The following LRRC8D variants were observed in gnomAD, a reference collection of about 807,000 sequenced individuals.
LRRC8D encodes leucine rich repeat containing 8 VRAC subunit D.
Under a neutral mutation model 55.8 loss-of-function variants are expected in LRRC8D, and 20 were observed. The observed-to-expected ratio is 0.36, with a 90% CI of 0.25 to 0.52. The LOEUF is 0.52. LRRC8D is among the 20% of genes least tolerant of loss of function. LRRC8D has a pLI of 0.93. For missense variants in LRRC8D, 651 were observed against 1,030.8 expected, an observed-to-expected ratio of 0.63 and a Z score of 5.05; for synonymous variants, 352 against 377.0, an observed-to-expected ratio of 0.93 and a Z score of 0.77.
chr1:89,910,866 T>A (rs1480556169), intron 2 of LRRC8D, among the ~76,000 whole-genome samples: 1 of 152,190 alleles, frequency 6.6e-6, no homozygotes, highest in African/African-American at 2.4e-5. Context: ...CAGTGTTGAA[T>A]GGCAAGATAC....
intron 2 of LRRC8D, among the ~76,000 whole-genome samples, chr1:89,861,034 T>A (rs4281312): frequency 0.098 from 14,861 of 151,908 alleles, 975 homozygotes; most frequent in South Asian, 0.16. Context: ...AGAGCTGGGC[T>A]GAATTGCTGG....
At chr1:89,825,555 G>A (rs991810149) in intron 1 of LRRC8D, among the ~76,000 whole-genome samples, 2 of 152,154 alleles carry the variant, frequency 1.3e-5, no homozygotes, top group Admixed American at 6.5e-5. Context: ...TTCCCACTCA[G>A]GCTAAGCTTT....
chr1:89,905,947 G>A (rs1662978647), intron 2 of LRRC8D, among the ~76,000 whole-genome samples: 1 of 152,226 alleles, frequency 6.6e-6, no homozygotes, highest in Non-Finnish European at 1.5e-5. Flanking sequence ...TTCAAAGGTA[G>A]CTGAGACCTG....
chr1:89,923,689 A>C (rs769300082), intron 2 of LRRC8D, among the ~76,000 whole-genome samples: 10 of 152,228 alleles, frequency 6.6e-5, no homozygotes, highest in African/African-American at 9.6e-5. Flanking sequence ...ACTATACTAC[A>C]AGACTACAGT....
rs113936688 is a variant in LRRC8D, at chr1:89,926,015, G to A, written c.-2-7052G>A. Among the ~76,000 whole-genome samples, 913 of 152,300 alleles carry A rather than the reference G, an allele frequency of 6.0e-3. 8 individuals carry two copies. Among genetic ancestry groups the A allele is most frequent in the African/African-American group, 0.021 (878 of 41,546 alleles). On this transcript the variant is annotated intron_variant, in intron 2 of 2. Transcript: ENST00000337338. ...TAAAGTTATTTGTAGTTTCTCTAAC[G>A]CATCATTTATCTCATGCTATGCCTT...
chr1:89,825,012 T>C (rs1307582023), intron 1 of LRRC8D, among the ~76,000 whole-genome samples: 2 of 152,238 alleles, frequency 1.3e-5, no homozygotes, highest in South Asian at 2.1e-4. Context: ...ATCCTGTATT[T>C]CTTGGGCAGA....
At position 89,912,769 on chromosome 1, in the gene LRRC8D, A is replaced by G. The variant is rs148106189; in HGVS notation, c.-2-20298A>G. On this transcript the variant is annotated intron_variant, in intron 2 of 2. Coordinates refer to ENST00000337338, the MANE Select transcript of LRRC8D (RefSeq NM_001134479.2). ...TCATAAATTGTTAGTATAAAATACT[A>G]TTTTATGTTTATACTTCCACTTTAA... Among the ~76,000 whole-genome samples, 5 of 152,324 alleles carry G rather than the reference A, an allele frequency of 3.3e-5. No individual in the cohort carries two copies. The East Asian group carries it at 9.6e-4, about 29-fold the overall frequency.
Position 89,934,043 on chromosome 1 carries a change from T to C in LRRC8D, c.975T>C (p.Tyr325=). The part of the protein sequence containing the change: ...KTAKFIFILC[Y]TANFVNAISF... ...CCAAGTTCATTTTTATTCTCTGCTA[T>C]ACAGCGAACTTTGTCAACGCAATCA... Residue 325 remains tyrosine, a synonymous_variant, in exon 3 of 3, where the codon TAT becomes TAC. Coordinates refer to ENST00000337338, the MANE Select transcript of LRRC8D (RefSeq NM_001134479.2). The surrounding 1 kb of genome is among the most constrained non-coding windows in gnomAD (Gnocchi z 5.9). The C allele has an allele frequency of 1.2e-6, 2 of 1,614,252 alleles. No individual in the cohort carries two copies. The highest frequency in any genetic ancestry group is 1.7e-6 in the Non-Finnish European group (2 of 1,180,050).
intron 2 of LRRC8D, among the ~76,000 whole-genome samples, chr1:89,846,368 A>G: frequency 6.7e-6 from 1 of 150,194 alleles, no homozygotes; most frequent in Non-Finnish European, 1.5e-5. Flanking sequence ...TGCTCCTTTC[A>G]ATGATGTAGT....
chr1:89,887,791 A>G (rs1410528879), intron 2 of LRRC8D, among the ~76,000 whole-genome samples: 2 of 152,178 alleles, frequency 1.3e-5, no homozygotes, highest in Admixed American at 1.3e-4. Context: ...AAAATATGGG[A>G]TAGGAGGAGA....
chr1:89,865,931 G>A (rs547649016), intron 2 of LRRC8D, among the ~76,000 whole-genome samples: 1 of 152,294 alleles, frequency 6.6e-6, no homozygotes, highest in East Asian at 1.9e-4. Context: ...ACTGTTGAAG[G>A]AAGTCAATAG....
At chr1:89,917,007 A>G (rs1663289072) in intron 2 of LRRC8D, among the ~76,000 whole-genome samples, 1 of 152,216 alleles carries the variant, frequency 6.6e-6, no homozygotes, top group African/African-American at 2.4e-5. Context: ...CCTATTGTAC[A>G]GGTAAAAGGT....
At position 89,935,626 on chromosome 1, in the gene LRRC8D, C is replaced by G; in HGVS notation, c.2558C>G (p.Pro853Arg). Residue 853 changes from proline (P) to arginine (R), a missense_variant, in exon 3 of 3, where the codon CCC becomes CGC. Pro to Arg is a moderately radical substitution (Grantham distance 103). Around this residue, in one of 5 missense-constraint regions of LRRC8D, gnomAD observed 338 missense variants for 479.4 expected, o/e 0.71. Transcript: ENST00000337338. ...KEALNQDINI[P>R]FANGI ...GCATTGAATCAAGACATAAATATTC[C>G]CTTTGCAAATGGGATTTAAACTAAG... is the stretch of plus-strand genomic sequence containing the variant. 1 of 1,613,702 alleles carries G rather than the reference C, an allele frequency of 6.2e-7. No individual in the cohort carries two copies. The highest frequency in any genetic ancestry group is 8.5e-7 in the Non-Finnish European group (1 of 1,179,782).
In LRRC8D at chr1:89,935,437, T is replaced by C; in HGVS notation, c.2369T>C (p.Leu790Pro). Residue 790 changes from leucine (L) to proline (P), a missense_variant, in exon 3 of 3, where the codon CTC becomes CCC. This residue lies in a region of LRRC8D where 338 missense variants were observed against 479.4 expected (regional missense o/e 0.71). Transcript: ENST00000337338. Reference protein sequence around the residue: ...LNLGQNCITSLPEKVGQLSQL... With the variant: ...LNLGQNCITSPPEKVGQLSQL... Reference sequence around the variant, plus strand: ...CTGGGACAGAACTGCATCACCTCACTCCCAGAGAAAGTTGGTCAGCTCTCC... The same window carrying C: ...CTGGGACAGAACTGCATCACCTCACCCCCAGAGAAAGTTGGTCAGCTCTCC... The C allele has an allele frequency of 1.2e-6, 2 of 1,614,210 alleles. No homozygotes were observed. Among genetic ancestry groups the C allele is most frequent in the Non-Finnish European group, 1.7e-6 (2 of 1,180,026 alleles).
At chr1:89,861,433 T>G (rs550530199) in intron 2 of LRRC8D, among the ~76,000 whole-genome samples, 1 of 152,346 alleles carries the variant, frequency 6.6e-6, no homozygotes, top group South Asian at 2.1e-4. Context: ...TTCTTTCTTC[T>G]TTTCTTACTC....
intron 2 of LRRC8D, among the ~76,000 whole-genome samples, chr1:89,903,606 T>C (rs1662917642): frequency 6.6e-6 from 1 of 152,158 alleles, no homozygotes. Context: ...CAAGCAAACA[T>C]GGTTACACAT....
At chr1:89,850,232 G>A (rs1167757077) in intron 2 of LRRC8D, among the ~76,000 whole-genome samples, 2 of 152,098 alleles carry the variant, frequency 1.3e-5, no homozygotes, top group African/African-American at 4.8e-5. Context: ...GGTTCCAGTT[G>A]ACTTAATTGT....
In LRRC8D at chr1:89,933,647, A is replaced by G; in HGVS notation, c.579A>G (p.Val193=). The G allele has an allele frequency of 6.2e-7, 1 of 1,614,204 alleles. No individual in the cohort carries two copies. The highest frequency in any genetic ancestry group is 1.7e-5 in the Admixed American group (1 of 60,022). The part of the protein sequence containing the change: ...WFKYPKTCSK[V]EHFVSILGKC... ...AATATCCCAAAACATGCTCAAAAGTAGAACATTTTGTTTCAATATTAGGAA... is the reference window on the plus strand; with the variant it reads ...AATATCCCAAAACATGCTCAAAAGTGGAACATTTTGTTTCAATATTAGGAA... Residue 193 remains valine, a synonymous_variant, in exon 3 of 3, where the codon GTA becomes GTG. Coordinates refer to ENST00000337338, the MANE Select transcript of LRRC8D (RefSeq NM_001134479.2). This position sits in a 1 kb window ranked among gnomAD's most constrained non-coding sequence, Gnocchi z 7.0.
chr1:89,837,650 C>T (rs542922767), intron 1 of LRRC8D, among the ~76,000 whole-genome samples: 1 of 152,276 alleles, frequency 6.6e-6, no homozygotes, highest in African/African-American at 2.4e-5. Flanking sequence ...TGTCAGGAAT[C>T]ATTGAAGTGT....
Sources: allele counts gnomAD v4.1 joint callset (sites outside exome capture counted in the v4.1 genomes callset), GRCh38; gene constraint gnomAD v4.1.1; regional missense constraint gnomAD v4.1.1; non-coding constraint Gnocchi (gnomAD v3.1); transcripts MANE v1.5; gene names NCBI Gene and HGNC (gene_info 2026-07-23, HGNC 2026-07-21).